The following TRIM71 variants were observed in gnomAD, a reference collection of about 807,000 sequenced individuals.
The protein encoded by TRIM71 is tripartite motif containing 71.
TRIM71 carries 9 observed loss-of-function variants against 61.2 expected under a neutral mutation model. The observed-to-expected ratio is 0.15, with a 90% CI of 0.09 to 0.26. The LOEUF (loss-of-function observed/expected upper bound fraction) is 0.26, where lower values mean the gene tolerates loss of function less well. TRIM71 is among the 10% of genes least tolerant of loss of function. TRIM71 has a pLI of 1.00. For synonymous variants in TRIM71, 645 were observed against 553.2 expected (o/e 1.17, Z -2.33); for missense variants, 998 against 1,238.7 (o/e 0.81, Z 2.92).
chr3:32,835,242 G>A (rs570576383), intron 1 of TRIM71, among the ~76,000 whole-genome samples: 59 of 152,316 alleles, frequency 3.9e-4, no homozygotes, highest in Middle Eastern at 3.4e-3. Flanking sequence ...ACATGATGGG[G>A]GGAGTGGGGG....
intron 1 of TRIM71, among the ~76,000 whole-genome samples, chr3:32,823,729 A>AT (rs1184946154): frequency 1.4e-5 from 2 of 145,888 alleles, no homozygotes; most frequent in African/African-American, 5.2e-5. Flanking sequence ...AGATCATGCC[A>AT]TTGCACTCCA....
At chr3:32,833,184 TAAAAAAAAAA>T (rs1182178339) in intron 1 of TRIM71, among the ~76,000 whole-genome samples, 2,245 of 54,474 alleles carry the variant, frequency 0.041, 72 homozygotes, top group African/African-American at 0.077. Context: ...ACTCTGTCTT[TAAAAAAAAAA>T]AAAAAAAAAA....
rs568587004 is a variant in TRIM71, at chr3:32,818,182, C to T, written c.102C>T (p.Ser34=). 15 of 1,598,840 alleles carry T rather than the reference C, an allele frequency of 9.4e-6. No individual in the cohort carries two copies. The highest frequency in any genetic ancestry group is 1.2e-5 in the Non-Finnish European group (14 of 1,174,122). The change falls in exon 1 of 4, where the codon TCC becomes TCT. Residue 34 remains serine, a synonymous_variant. Transcript: ENST00000383763. ...PLSSNSSASS[S]SSQTSTSSGG... is the part of the protein sequence containing the mutation. ...CCTCCAACTCGTCCGCGTCGTCGTCCTCCTCGCAGACGTCCACGTCGTCGG... is the reference window on the plus strand; with the variant it reads ...CCTCCAACTCGTCCGCGTCGTCGTCTTCCTCGCAGACGTCCACGTCGTCGG...
intron 1 of TRIM71, among the ~76,000 whole-genome samples, chr3:32,839,562 G>T (rs928070142): frequency 2.7e-5 from 4 of 149,658 alleles, no homozygotes; most frequent in Non-Finnish European, 5.9e-5. Context: ...CGTCTGACCC[G>T]TCAAGCCCCA....
At chr3:32,886,111 T>G (rs1406600201) in intron 3 of TRIM71, 43 bp downstream of exon 3, 1 of 1,587,386 alleles carries the variant, frequency 6.3e-7, no homozygotes, top group Non-Finnish European at 8.6e-7. Flanking sequence ...CCCACTCGGC[T>G]TCCATGAACC....
chr3:32,889,641 T>C (rs1697001667), intron 3 of TRIM71, among the ~76,000 whole-genome samples: 2 of 150,904 alleles, frequency 1.3e-5, no homozygotes, highest in South Asian at 2.1e-4. Flanking sequence ...TAGGTTGGAG[T>C]GCAATGGTGT....
chr3:32,870,045 T>C (rs1025225929), intron 1 of TRIM71, among the ~76,000 whole-genome samples: 82 of 152,202 alleles, frequency 5.4e-4, no homozygotes, highest in African/African-American at 1.9e-3. Flanking sequence ...AGCTCCAGTT[T>C]ATTTCCTTAA....
intron 1 of TRIM71, among the ~76,000 whole-genome samples, chr3:32,849,141 T>C (rs1400281629): frequency 1.3e-5 from 2 of 152,196 alleles, no homozygotes; most frequent in Admixed American, 6.5e-5. Context: ...AAAGCTGTTA[T>C]GTTGGAAAAT....
chr3:32,854,947 G>A (rs1016230926), intron 1 of TRIM71, among the ~76,000 whole-genome samples: 1 of 152,134 alleles, frequency 6.6e-6, no homozygotes, highest in Non-Finnish European at 1.5e-5. Flanking sequence ...AGAGGTGAGT[G>A]CAGCACACAG....
chr3:32,818,307 C>T lies in TRIM71; in HGVS notation c.227C>T (p.Pro76Leu). The stretch of plus-strand genomic sequence containing the variant: ...CCCTGCCTCGAGGCGCACCGGCTGC[C>T]GGCGGCGGGCGGCGGCGCGGCGGGA... ...CRPCLEAHRL[P>L]AAGGGAAGEP... Residue 76 changes from proline (P) to leucine (L), a missense_variant, in exon 1 of 4, where the codon CCG becomes CTG. Physicochemically the swap from Pro to Leu is moderately conservative, Grantham distance 98. Around this residue, in one of 5 missense-constraint regions of TRIM71, gnomAD observed 527 missense variants for 427.8 expected, o/e 1.23. Coordinates refer to ENST00000383763, the MANE Select transcript of TRIM71 (RefSeq NM_001039111.3). The T allele has an allele frequency of 1.4e-6, 2 of 1,433,062 alleles. No homozygotes were observed. Among genetic ancestry groups the T allele is most frequent in the African/African-American group, 1.5e-5 (1 of 66,826 alleles). The allele number at this position is 1,433,062 out of a possible 1,614,324, so 88.8% of individuals were successfully genotyped here.
In TRIM71 at chr3:32,896,824, T is replaced by C. The variant is rs1697082574; in HGVS notation, c.*5013T>C. ...TCTATCTCAGAGCACACTGACTGAA[T>C]GTTGATGTGTGTAGCAAAGTGTTTA... On this transcript the variant is annotated 3_prime_UTR_variant, in exon 4 of 4. Transcript: ENST00000383763. 1 of 152,206 alleles carries C rather than the reference T, an allele frequency of 6.6e-6. No individual in the cohort carries two copies. The highest frequency in any genetic ancestry group is 2.4e-5 in the African/African-American group (1 of 41,454). The allele number at this position is 152,206 out of a possible 1,614,324, so 9.4% of individuals were successfully genotyped here. A position where few individuals can be genotyped will look rare whatever the true frequency, so the allele number is the denominator to read the frequency against.
At chr3:32,870,442 C>T (rs1696782797) in intron 1 of TRIM71, among the ~76,000 whole-genome samples, 1 of 152,076 alleles carries the variant, frequency 6.6e-6, no homozygotes, top group Non-Finnish European at 1.5e-5. Flanking sequence ...ACAGTGTGTT[C>T]TGGGTACTTA....
chr3:32,882,935 C>T (rs1696925502), intron 2 of TRIM71, among the ~76,000 whole-genome samples: 3 of 152,216 alleles, frequency 2.0e-5, no homozygotes, highest in African/African-American at 7.2e-5. Flanking sequence ...GATGTAACCT[C>T]ACCATCTTAT....
intron 1 of TRIM71, among the ~76,000 whole-genome samples, chr3:32,829,957 C>T (rs1696251386): frequency 8.7e-6 from 1 of 114,622 alleles, no homozygotes; most frequent in Non-Finnish European, 1.7e-5. Context: ...GAGATGGAGT[C>T]TTGCTCTGTC....
chr3:32,834,355 A>G (rs1696308299), intron 1 of TRIM71, among the ~76,000 whole-genome samples: 1 of 152,226 alleles, frequency 6.6e-6, no homozygotes, highest in African/African-American at 2.4e-5. Flanking sequence ...CTGTTGTGCA[A>G]TAAATCCAGA....
chr3:32,852,249 G>T (rs1480663677), intron 1 of TRIM71, among the ~76,000 whole-genome samples: 2 of 152,200 alleles, frequency 1.3e-5, no homozygotes, highest in African/African-American at 4.8e-5. Flanking sequence ...GGCACATCCT[G>T]GAGAAGGACA....
At chr3:32,838,705 A>T (rs967834309) in intron 1 of TRIM71, among the ~76,000 whole-genome samples, 10 of 152,134 alleles carry the variant, frequency 6.6e-5, no homozygotes, top group African/African-American at 2.4e-4. Context: ...GAAAGTTCAT[A>T]GCTTTTCAGG....
intron 1 of TRIM71, among the ~76,000 whole-genome samples, chr3:32,833,581 T>G (rs1471895002): frequency 3.2e-4 from 48 of 152,044 alleles, no homozygotes; most frequent in Non-Finnish European, 1.5e-5. Context: ...GTTATAATCT[T>G]AAGAGTGAGA....
chr3:32,851,554 C>CTG (rs1696538337), intron 1 of TRIM71, among the ~76,000 whole-genome samples: 1 of 152,188 alleles, frequency 6.6e-6, no homozygotes. Flanking sequence ...TCTCAGCTCA[C>CTG]TGCTACCGTC....
Sources: gnomAD v4.1 joint callset for allele counts (sites outside exome capture counted in the v4.1 genomes callset) on GRCh38, gnomAD v4.1.1 for gene constraint, gnomAD v4.1.1 regional missense constraint, MANE v1.5 for transcripts, NCBI Gene and HGNC (gene_info 2026-07-23, HGNC 2026-07-21) for gene names.